RCHY1: variants seen among roughly 807,000 people sequenced by gnomAD.
The protein encoded by RCHY1 is RING finger and CHY zinc finger domain-containing protein 1.
Under a neutral mutation model 41.6 loss-of-function variants are expected in RCHY1, and 21 were observed. The observed-to-expected ratio is 0.51, with a 90% CI of 0.36 to 0.73. The LOEUF (loss-of-function observed/expected upper bound fraction) is 0.73, where lower values mean the gene tolerates loss of function less well. Ranked by LOEUF, RCHY1 falls within the 30% of genes least tolerant of loss-of-function variation. RCHY1 has a pLI of 0.00. For missense variants in RCHY1, 265 were observed against 325.3 expected (o/e 0.81, Z 1.43); for synonymous variants, 79 against 102.9 (o/e 0.77, Z 1.41).
intron 3 of RCHY1, among the ~76,000 whole-genome samples, chr4:75,504,163 T>TA (rs1347548467): frequency 6.6e-6 from 1 of 152,174 alleles, no homozygotes; most frequent in East Asian, 1.9e-4. Context: ...CAGAAGTAAT[T>TA]ACAAGCTAGA....
intron 8 of RCHY1, among the ~76,000 whole-genome samples, chr4:75,486,656 G>A (rs762565041): frequency 6.6e-6 from 1 of 152,020 alleles, no homozygotes; most frequent in Non-Finnish European, 1.5e-5. Context: ...TCCCTATAAG[G>A]AGTGTAAAAA....
intron 3 of RCHY1, among the ~76,000 whole-genome samples, chr4:75,504,300 A>G (rs1290884188): frequency 6.6e-6 from 1 of 152,182 alleles, no homozygotes; most frequent in East Asian, 1.9e-4. Flanking sequence ...TGAAGTACAC[A>G]GGTCTACTTA....
chr4:75,513,971 A>T, intron 1 of RCHY1: 2 of 549,382 alleles, frequency 3.6e-6, no homozygotes, highest in South Asian at 6.2e-5. Context: ...AAGCCTAATC[A>T]CTTCCCAAGA....
chr4:75,512,128 G>C (rs1249954217), intron 1 of RCHY1, among the ~76,000 whole-genome samples: 1 of 152,152 alleles, frequency 6.6e-6, no homozygotes, highest in Admixed American at 6.5e-5. Flanking sequence ...TATGGCTAGA[G>C]AAAAAGCATC....
intron 7 of RCHY1, chr4:75,491,003 AAAC>A (rs1300915273): frequency 5.0e-6 from 1 of 199,222 alleles, no homozygotes; most frequent in Non-Finnish European, 1.0e-5. Context: ...CTCCTTATCT[AAAC>A]AACCTTAATT....
At chr4:75,482,749 A>G (rs1721625692) in intron 8 of RCHY1, 83 bp from the exon 9 acceptor site, 2 of 927,410 alleles carry the variant, frequency 2.2e-6, no homozygotes, top group Non-Finnish European at 2.9e-6. Context: ...CTTGAAAATC[A>G]TATTAAAGAT....
intron 3 of RCHY1, among the ~76,000 whole-genome samples, chr4:75,507,072 T>TAAAAAAAC (rs1724392203): frequency 6.6e-6 from 1 of 151,980 alleles, no homozygotes; most frequent in Non-Finnish European, 1.5e-5. Flanking sequence ...AAAGACATTT[T>TAAAAAAAC]TCAGAGACAA....
chr4:75,487,658 A>C (rs1722260536), intron 8 of RCHY1, among the ~76,000 whole-genome samples: 1 of 26,590 alleles, frequency 3.8e-5, no homozygotes, highest in East Asian at 8.5e-4. Flanking sequence ...TATTCATAAT[A>C]TATATATTCA....
intron 8 of RCHY1, among the ~76,000 whole-genome samples, chr4:75,485,613 T>C (rs72647441): frequency 0.085 from 12,968 of 152,286 alleles, 778 homozygotes; most frequent in East Asian, 0.23. Flanking sequence ...CTGTGTGCTT[T>C]TGAGATATAC....
At chr4:75,511,826 C>A (rs1346749520) in intron 1 of RCHY1, among the ~76,000 whole-genome samples, 13 of 147,218 alleles carry the variant, frequency 8.8e-5, no homozygotes, top group South Asian at 4.3e-4. Flanking sequence ...AAAAAAAAAA[C>A]AAATATCTTA....
At chr4:75,498,555 T>C (rs186917236) in intron 3 of RCHY1, among the ~76,000 whole-genome samples, 1 of 150,338 alleles carries the variant, frequency 6.7e-6, no homozygotes, top group African/African-American at 2.4e-5. Flanking sequence ...AAAGCTATTG[T>C]AATCAAATCA....
At chr4:75,499,646 T>C (rs62318630) in intron 3 of RCHY1, among the ~76,000 whole-genome samples, 12,310 of 152,294 alleles carry the variant, frequency 0.081, 690 homozygotes, top group Non-Finnish European at 0.12. Flanking sequence ...GAGGTCATTA[T>C]GTTAAGCGAA....
At chr4:75,509,117 T>G in intron 2 of RCHY1, 60 bp downstream of exon 2, 1 of 1,493,982 alleles carries the variant, frequency 6.7e-7, no homozygotes, top group South Asian at 1.2e-5. Flanking sequence ...TTGATTAAAT[T>G]TTTTCAAACC....
At chr4:75,497,271 C>T (rs563857956) in intron 3 of RCHY1, among the ~76,000 whole-genome samples, 3 of 152,226 alleles carry the variant, frequency 2.0e-5, no homozygotes, top group Admixed American at 2.0e-4. Context: ...ATTTTAAGAT[C>T]GTCCTAAAAG....
chr4:75,504,963 G>C (rs978082900), intron 3 of RCHY1, among the ~76,000 whole-genome samples: 2 of 152,150 alleles, frequency 1.3e-5, no homozygotes, highest in Non-Finnish European at 2.9e-5. Flanking sequence ...CACTGCCAAA[G>C]ATATACTGCC....
chr4:75,509,358 A>T (rs1724657266), intron 1 of RCHY1, 62 bp from the exon 2 acceptor site: 1 of 1,541,150 alleles, frequency 6.5e-7, no homozygotes, highest in African/African-American at 1.4e-5. Flanking sequence ...TGTGCAATAC[A>T]AAAAGAAAAT....
intron 4 of RCHY1, among the ~76,000 whole-genome samples, chr4:75,493,279 T>C (rs1220862802): frequency 6.6e-6 from 1 of 151,930 alleles, no homozygotes; most frequent in African/African-American, 2.4e-5. Flanking sequence ...TTTTCCTTAA[T>C]ACCATTACCA....
At chr4:75,487,679 TAATA>T (rs1446751442) in intron 8 of RCHY1, among the ~76,000 whole-genome samples, 1 of 90,766 alleles carries the variant, frequency 1.1e-5, no homozygotes, top group Admixed American at 1.5e-4. Context: ...TATATATTCA[TAATA>T]TATATATTCA....
intron 3 of RCHY1, among the ~76,000 whole-genome samples, chr4:75,498,350 C>T (rs1171761978): frequency 6.6e-6 from 1 of 151,294 alleles, no homozygotes; most frequent in Non-Finnish European, 1.5e-5. Flanking sequence ...AAAGAAAAGC[C>T]CACAATCTGA....
Sources: allele counts gnomAD v4.1 joint callset (sites outside exome capture counted in the v4.1 genomes callset), GRCh38; gene constraint gnomAD v4.1.1; transcripts MANE v1.5; gene names NCBI Gene and HGNC (gene_info 2026-07-23, HGNC 2026-07-21).